Variants in TPTE2 observed in about 807,000 individuals in gnomAD.
TPTE2 encodes the protein phosphatidylinositol 3,4,5-trisphosphate 3-phosphatase TPTE2.
A neutral mutation model predicts 78.6 loss-of-function variants in TPTE2; 53 were observed. The observed-to-expected ratio is 0.67, with a 90% CI of 0.54 to 0.85. TPTE2 has a LOEUF of 0.85. TPTE2 is among the 40% of genes least tolerant of loss of function. The pLI is 0.00. For missense variants in TPTE2, 461 were observed against 623.0 expected (o/e 0.74, Z 2.77); for synonymous variants, 175 against 206.2 (o/e 0.85, Z 1.30).
intron 13 of TPTE2, 88 bp from the exon 17 acceptor site, chr13:19,438,241 T>G: frequency 6.7e-7 from 1 of 1,492,958 alleles, no homozygotes; most frequent in African/African-American, 1.4e-5. Flanking sequence ...AACTTGATTT[T>G]CTTTCTTTTT....
At chr13:19,560,874 T>C in the TPTE2 span, 1 of 1,567,002 alleles carries the variant, frequency 6.4e-7, no homozygotes, top group South Asian at 1.2e-5. Context: ...TGACAGGCCT[T>C]GCGTCTCCGC....
chr13:19,456,856 TC>T (rs1219148623), intron 10 of TPTE2, among the ~76,000 whole-genome samples: 25 of 152,194 alleles, frequency 1.6e-4, no homozygotes, highest in African/African-American at 5.5e-4. Context: ...ATTCAAAAAA[TC>T]TAAGAGAGCC....
At chr13:19,469,179 C>G (rs1287312591) in intron 6 of TPTE2, among the ~76,000 whole-genome samples, 1 of 152,076 alleles carries the variant, frequency 6.6e-6, no homozygotes, top group Admixed American at 6.5e-5. Context: ...GTCTTTAATC[C>G]ATGTTGATTT....
chr13:19,531,475 A>C (rs1870863646), intron 1 of TPTE2, among the ~76,000 whole-genome samples: 2 of 152,084 alleles, frequency 1.3e-5, no homozygotes, highest in South Asian at 4.1e-4. Flanking sequence ...GTTAAGTAGA[A>C]AATTTAAGTC....
At chr13:19,454,931 A>G (rs1281443627) in intron 10 of TPTE2, among the ~76,000 whole-genome samples, 1 of 152,188 alleles carries the variant, frequency 6.6e-6, no homozygotes, top group Non-Finnish European at 1.5e-5. Context: ...AATATTAGCA[A>G]TCAAGAGATG....
chr13:19,450,983 T>G (rs1421855702), intron 11 of TPTE2, among the ~76,000 whole-genome samples, 182 bp downstream of exon 14: 1 of 152,156 alleles, frequency 6.6e-6, no homozygotes, highest in Admixed American at 6.5e-5. Flanking sequence ...ATACGGTACC[T>G]TGTGCTGCTG....
rs372938456 is a variant in TPTE2 at position 19,473,963 on chromosome 13, T to A, written c.343A>T (p.Ile115Phe). ...ACATCCATGAGAAAAAATAAGCCAA[T>A]AGCTAGAGAAATAGAACGATACTCC... Residue 115 changes from isoleucine to phenylalanine, a missense_variant, in exon 6 of 20, where the codon ATT (isoleucine) becomes TTT (phenylalanine). By Grantham distance (21) the Ile-to-Phe change is conservative (BLOSUM62 0). Coordinates refer to ENST00000400230, the Ensembl canonical transcript of TPTE2. The A allele has an allele frequency of 2.6e-5, 41 of 1,606,644 alleles. No individual in the cohort carries two copies. The African/African-American group carries it at 5.1e-4, about 20-fold the overall frequency.
the TPTE2 span, chr13:19,560,373 T>C: frequency 5.0e-6 from 8 of 1,607,424 alleles, no homozygotes; most frequent in African/African-American, 1.3e-5. Flanking sequence ...CAGCCCCCAG[T>C]TCCCCCAGGC....
intron 7 of TPTE2, among the ~76,000 whole-genome samples, chr13:19,466,584 A>G (rs1350967313): frequency 6.6e-6 from 1 of 152,228 alleles, no homozygotes; most frequent in African/African-American, 2.4e-5. Context: ...AATCCCTAAC[A>G]GTTCTAACTT....
At chr13:19,482,666 G>A (rs1880430002) in intron 3 of TPTE2, 119 bp from the exon 7 acceptor site, 1 of 1,276,278 alleles carries the variant, frequency 7.8e-7, no homozygotes, top group Non-Finnish European at 1.1e-6. Flanking sequence ...TAGTAAACAT[G>A]ACTTAGCTCA....
chr13:19,425,832 C>T (rs1876012937), intron 18 of TPTE2: 1 of 517,360 alleles, frequency 1.9e-6, no homozygotes, highest in African/African-American at 1.9e-5. Flanking sequence ...GCCCTCTTCT[C>T]TCTGGAATTA....
In TPTE2 at chr13:19,535,611, CTTATTTAT is replaced by C. The variant is rs112733083; in HGVS notation, c.-44+977_-44+984del. On this transcript the variant is annotated intron_variant, in intron 1 of 17. Coordinates refer to the TPTE2 transcript ENST00000390680. The surrounding 1 kb of genome is among the most constrained non-coding windows in gnomAD (Gnocchi z 5.1). ...TAAGTAATACTATCTCCAGGATTTT[CTTATTTAT>C]TTATTTATTTATTTATTTATTTATT... is the stretch of plus-strand genomic sequence containing the variant. 0.025 allele frequency among the ~76,000 whole-genome samples: 3,588 copies of C among 146,422 alleles called. 68 individuals carry two copies. The highest frequency in any genetic ancestry group is 0.046 in the African/African-American group (1,820 of 39,716).
At chr13:19,499,137 A>C (rs1881589002) in intron 1 of TPTE2, among the ~76,000 whole-genome samples, 1 of 152,230 alleles carries the variant, frequency 6.6e-6, no homozygotes, top group African/African-American at 2.4e-5. Flanking sequence ...AGGAGCACCA[A>C]GACTCATAAA....
chr13:19,492,781 T>C (rs372026881), intron 3 of TPTE2, 69 bp downstream of exon 6: 64 of 1,587,364 alleles, frequency 4.0e-5, no homozygotes, highest in Non-Finnish European at 5.3e-5. Flanking sequence ...TATTTGTGTA[T>C]GTGCTTGGTG....
chr13:19,479,242 T>C (rs1169460215), intron 4 of TPTE2, among the ~76,000 whole-genome samples: 2 of 152,176 alleles, frequency 1.3e-5, no homozygotes, highest in Non-Finnish European at 2.9e-5. Context: ...ATAATAGTAT[T>C]GATTTGAATT....
At chr13:19,471,466 C>A (rs1010822995) in intron 6 of TPTE2, among the ~76,000 whole-genome samples, 3 of 152,000 alleles carry the variant, frequency 2.0e-5, no homozygotes, top group Non-Finnish European at 4.4e-5. Flanking sequence ...TTTGAGGTTA[C>A]CATGAGGCTT....
At chr13:19,455,359 G>T (rs1388101071) in intron 10 of TPTE2, among the ~76,000 whole-genome samples, 2 of 152,182 alleles carry the variant, frequency 1.3e-5, no homozygotes, top group Non-Finnish European at 2.9e-5. Context: ...CTGAATCCAA[G>T]CCCTCACATT....
chr13:19,517,673 T>G (rs1190064966), intron 1 of TPTE2, among the ~76,000 whole-genome samples: 1 of 152,142 alleles, frequency 6.6e-6, no homozygotes, highest in Non-Finnish European at 1.5e-5. Context: ...TACCTCGTAT[T>G]GAGAATAAGT....
chr13:19,465,340 T>C (rs1674794166), intron 8 of TPTE2, 22 bp from the exon 12 acceptor site: 2 of 1,613,706 alleles, frequency 1.2e-6, no homozygotes, highest in Non-Finnish European at 1.7e-6. Flanking sequence ...AAATCATCAT[T>C]AGTTTGTGAA....
Sources: allele counts gnomAD v4.1 joint callset (sites outside exome capture counted in the v4.1 genomes callset), GRCh38; gene constraint gnomAD v4.1.1; non-coding constraint Gnocchi (gnomAD v3.1); transcripts MANE v1.5; gene names NCBI Gene and HGNC (gene_info 2026-07-23, HGNC 2026-07-21).